NSMCE2: variants seen among roughly 807,000 people sequenced by gnomAD.
The protein encoded by NSMCE2 is E3 SUMO-protein ligase NSE2.
NSMCE2 carries 24 observed loss-of-function variants against 23.8 expected under a neutral mutation model. The observed-to-expected ratio is 1.01, with a 90% CI of 0.73 to 1.42. NSMCE2 has a LOEUF of 1.42. Among genes scored for constraint, NSMCE2 ranks in the 40% most tolerant of loss-of-function variants. The probability of loss-of-function intolerance (pLI) is 0.00; values close to 1 mark genes in which losing one functional copy is unlikely to be tolerated. For synonymous variants in NSMCE2, 92 were observed against 94.1 expected (o/e 0.98, Z 0.13); for missense variants, 284 against 296.5 (o/e 0.96, Z 0.31).
intron 5 of NSMCE2, among the ~76,000 whole-genome samples, chr8:125,291,005 A>C (rs999009539): frequency 2.6e-5 from 4 of 152,264 alleles, no homozygotes; most frequent in African/African-American, 9.6e-5. Flanking sequence ...TTGGATGAAC[A>C]GAAACTAAGG....
intron 3 of NSMCE2, among the ~76,000 whole-genome samples, chr8:125,143,238 G>A (rs954906596): frequency 1.3e-5 from 2 of 152,072 alleles, no homozygotes; most frequent in African/African-American, 4.8e-5. Flanking sequence ...TCAGAGGTAT[G>A]CTTGATACTG....
intron 5 of NSMCE2, among the ~76,000 whole-genome samples, chr8:125,246,401 C>G (rs959494629): frequency 6.6e-6 from 1 of 152,068 alleles, no homozygotes; most frequent in African/African-American, 2.4e-5. Flanking sequence ...TCCAGCTGCT[C>G]TCGATCTCCT....
At chr8:125,198,502 G>A (rs112772376) in intron 5 of NSMCE2, among the ~76,000 whole-genome samples, 10,026 of 152,170 alleles carry the variant, frequency 0.066, 430 homozygotes, top group South Asian at 0.16. Context: ...ATTGATTTGC[G>A]TGTGTTGAAC....
intron 3 of NSMCE2, among the ~76,000 whole-genome samples, chr8:125,106,663 C>T (rs186870019): frequency 7.4e-5 from 10 of 135,804 alleles, no homozygotes; most frequent in African/African-American, 1.1e-4. Context: ...CCAGCCTGGG[C>T]GACAGAGCAA....
chr8:125,246,574 C>T (rs1159836388), intron 5 of NSMCE2, among the ~76,000 whole-genome samples: 1 of 152,128 alleles, frequency 6.6e-6, no homozygotes, highest in Admixed American at 6.6e-5. Context: ...AAAGACTCCT[C>T]CCTCCCCCAA....
At chr8:125,337,923 A>G (rs565449081) in intron 5 of NSMCE2, among the ~76,000 whole-genome samples, 16 of 151,554 alleles carry the variant, frequency 1.1e-4, no homozygotes, top group African/African-American at 3.6e-4. Flanking sequence ...AGAAAACAAC[A>G]GGTTTGCCTG....
chr8:125,337,816 AC>A (rs1430358307), intron 5 of NSMCE2, among the ~76,000 whole-genome samples: 7 of 149,510 alleles, frequency 4.7e-5, no homozygotes, highest in African/African-American at 1.5e-4. Context: ...AATTGCTTGA[AC>A]CTGGGAGGTG....
At chr8:125,261,957 TGTG>T (rs1200976828) in intron 5 of NSMCE2, among the ~76,000 whole-genome samples, 6 of 151,372 alleles carry the variant, frequency 4.0e-5, no homozygotes, top group Admixed American at 2.6e-4. Flanking sequence ...ATTAGCCAGG[TGTG>T]GTGGCGCACA....
intron 5 of NSMCE2, among the ~76,000 whole-genome samples, chr8:125,185,170 T>G (rs1311370016): frequency 2.6e-5 from 4 of 152,230 alleles, no homozygotes; most frequent in African/African-American, 9.6e-5. Context: ...AATGAAGTTG[T>G]CTCCCAGGTG....
intron 5 of NSMCE2, among the ~76,000 whole-genome samples, chr8:125,330,269 C>T (rs564593159): frequency 7.9e-5 from 12 of 151,412 alleles, no homozygotes; most frequent in African/African-American, 1.9e-4. Context: ...CTCCATCTCC[C>T]GGTTCGAGCG....
At chr8:125,313,569 A>G (rs914372723) in intron 5 of NSMCE2, among the ~76,000 whole-genome samples, 3 of 152,244 alleles carry the variant, frequency 2.0e-5, no homozygotes, top group Non-Finnish European at 4.4e-5. Flanking sequence ...ACGACTTGCC[A>G]GCTTAGCTCT....
intron 5 of NSMCE2, among the ~76,000 whole-genome samples, chr8:125,200,079 G>A (rs1823797055): frequency 6.6e-6 from 1 of 152,148 alleles, no homozygotes; most frequent in Non-Finnish European, 1.5e-5. Context: ...CTGCACATGA[G>A]ATGGGTCTCC....
At chr8:125,278,751 T>C (rs1563759826) in intron 5 of NSMCE2, among the ~76,000 whole-genome samples, 1 of 151,924 alleles carries the variant, frequency 6.6e-6, no homozygotes, top group Non-Finnish European at 1.5e-5. Context: ...TAAATTGCAG[T>C]CCCAGAAGCT....
chr8:125,142,116 A>G (rs147580361), intron 3 of NSMCE2, among the ~76,000 whole-genome samples: 1 of 152,292 alleles, frequency 6.6e-6, no homozygotes, highest in East Asian at 1.9e-4. Context: ...TAGACTAATT[A>G]CACTTGCAGA....
chr8:125,123,731 A>G (rs898925929), intron 3 of NSMCE2, among the ~76,000 whole-genome samples: 3 of 152,236 alleles, frequency 2.0e-5, no homozygotes, highest in Non-Finnish European at 4.4e-5. Context: ...ATAGGATGCA[A>G]TTTTGCTGTA....
At chr8:125,319,345 G>A (rs1018041382) in intron 5 of NSMCE2, among the ~76,000 whole-genome samples, 1 of 152,068 alleles carries the variant, frequency 6.6e-6, no homozygotes, top group Non-Finnish European at 1.5e-5. Flanking sequence ...CAAACAGGTA[G>A]CAGGAAAATA....
At chr8:125,260,315 C>T (rs1181658937) in intron 5 of NSMCE2, among the ~76,000 whole-genome samples, 1 of 152,078 alleles carries the variant, frequency 6.6e-6, no homozygotes. Context: ...AGAATGGAAT[C>T]AGGAGGGTAA....
chr8:125,307,207 A>AT (rs971824297), intron 5 of NSMCE2, among the ~76,000 whole-genome samples: 8 of 151,732 alleles, frequency 5.3e-5, no homozygotes, highest in African/African-American at 1.9e-4. Context: ...AGACAAGGAA[A>AT]TTTTTTTTTC....
At position 125,200,730 on chromosome 8, in the gene NSMCE2, G is replaced by A. The variant is rs144477177; in HGVS notation, c.418+18474G>A. 2.7e-4 allele frequency among the ~76,000 whole-genome samples: 41 copies of A among 152,218 alleles called. 1 individual carries two copies. The East Asian group carries it at 6.9e-3, about 26-fold the overall frequency. On this transcript the variant is annotated intron_variant, in intron 5 of 7. Transcript: ENST00000287437. ...TTTGAATGTTGGCCTGCCTAGCTAC[G>A]TTGGGGAAGTTCTCCTGGATAATAT...
Sources: allele counts gnomAD v4.1 joint callset (sites outside exome capture counted in the v4.1 genomes callset), GRCh38; gene constraint gnomAD v4.1.1; transcripts MANE v1.5; gene names NCBI Gene and HGNC (gene_info 2026-07-23, HGNC 2026-07-21).